SNX24: variants seen among roughly 807,000 people sequenced by gnomAD.
The protein encoded by SNX24 is sorting nexin 24.
SNX24 carries 22 observed loss-of-function variants against 28.7 expected under a neutral mutation model. The ratio of observed to expected loss-of-function variants is 0.77; its 90% CI spans 0.55 to 1.10. SNX24 has a LOEUF of 1.10. Among genes scored for constraint, SNX24 ranks in the 50% least tolerant of loss-of-function variants. The pLI, the probability that SNX24 is intolerant of heterozygous loss-of-function variation, is 0.00. For missense variants in SNX24, 221 were observed against 201.1 expected, an observed-to-expected ratio of 1.10 and a Z score of -0.60; for synonymous variants, 69 against 71.5, an observed-to-expected ratio of 0.96 and a Z score of 0.18.
At chr5:123,002,668 C>T (rs972085323) in intron 6 of SNX24, among the ~76,000 whole-genome samples, 1 of 152,238 alleles carries the variant, frequency 6.6e-6, no homozygotes, top group African/African-American at 2.4e-5. Context: ...TGTGTATATA[C>T]ATTGCAGCAT....
intron 1 of SNX24, among the ~76,000 whole-genome samples, chr5:122,891,901 C>T (rs6888023): frequency 0.36 from 54,390 of 151,908 alleles, 10,412 homozygotes; most frequent in African/African-American, 0.46. Context: ...GTTGAGTGAC[C>T]AAAAGTTTGC....
At chr5:122,886,182 G>A (rs1031175867) in intron 1 of SNX24, among the ~76,000 whole-genome samples, 3 of 152,208 alleles carry the variant, frequency 2.0e-5, no homozygotes, top group Admixed American at 2.0e-4. Context: ...ATGAATTAAG[G>A]TGGAAGACTA....
At chr5:122,888,365 C>G (rs1451257017) in intron 1 of SNX24, among the ~76,000 whole-genome samples, 1 of 152,106 alleles carries the variant, frequency 6.6e-6, no homozygotes, top group Non-Finnish European at 1.5e-5. Flanking sequence ...ACCTGACAGC[C>G]TGAGTTCAAG....
chr5:122,978,986 G>A (rs555980956), intron 3 of SNX24, among the ~76,000 whole-genome samples: 1 of 152,258 alleles, frequency 6.6e-6, no homozygotes, highest in African/African-American at 2.4e-5. Flanking sequence ...TTACTGTTTT[G>A]ATTTAATTCA....
chr5:123,025,980 CAAGG>C, intron 5 of SNX24: 1 of 1,578,214 alleles, frequency 6.3e-7, no homozygotes, highest in South Asian at 1.2e-5. Context: ...TGAGACAAAA[CAAGG>C]AAGAAAGTCA....
rs913858885 is a variant in SNX24 at position 122,874,937 on chromosome 5, G to A, written c.60+29244G>A. Among the ~76,000 whole-genome samples, 12 of 152,336 alleles carry A rather than the reference G, an allele frequency of 7.9e-5. No individual in the cohort carries two copies. In the South Asian group the frequency reaches 8.3e-4, roughly 11 times the overall value. ...AAGCCCTTAACACATAATTGGTTCA[G>A]TAGTAGCTAGTGTTGATATTTGTTT... On this transcript the variant is annotated intron_variant, in intron 1 of 6. Coordinates refer to ENST00000261369, the MANE Select transcript of SNX24 (RefSeq NM_014035.4).
intron 3 of SNX24, among the ~76,000 whole-genome samples, chr5:122,992,835 T>A (rs1761910320): frequency 6.6e-6 from 1 of 152,226 alleles, no homozygotes; most frequent in Admixed American, 6.5e-5. Flanking sequence ...TACTTCTATA[T>A]GATTGGATTC....
chr5:122,988,649 A>G (rs1761703284), intron 3 of SNX24, among the ~76,000 whole-genome samples: 1 of 152,222 alleles, frequency 6.6e-6, no homozygotes, highest in Admixed American at 6.5e-5. Flanking sequence ...AAGTTTAACA[A>G]AACACTCCAT....
At chr5:122,980,143 TACAC>T (rs1761332728) in intron 3 of SNX24, among the ~76,000 whole-genome samples, 1 of 152,216 alleles carries the variant, frequency 6.6e-6, no homozygotes, top group South Asian at 2.1e-4. Flanking sequence ...TATTCAGTAA[TACAC>T]ACATTAGTCA....
At chr5:122,847,695 T>C (rs962502801) in intron 1 of SNX24, among the ~76,000 whole-genome samples, 1 of 152,138 alleles carries the variant, frequency 6.6e-6, no homozygotes, top group Non-Finnish European at 1.5e-5. Context: ...GGTTTCTCCA[T>C]GTTGCCCAGG....
chr5:123,006,150 A>G lies in SNX24; in HGVS notation c.443-1532A>G, dbSNP rs545456539. Among the ~76,000 whole-genome samples the G allele has an allele frequency of 1.7e-3, 258 of 152,326 alleles. 1 individual carries two copies. Among genetic ancestry groups the G allele is most frequent in the African/African-American group, 5.7e-3 (237 of 41,578 alleles). ...GAAACAGAGGCCTCTCAATAAATAT[A>G]TGTTGAGGTAAACTTGTCACCACAT... is the stretch of plus-strand genomic sequence containing the variant. On this transcript the variant is annotated intron_variant, in intron 6 of 6. Transcript: ENST00000261369.
intron 3 of SNX24, among the ~76,000 whole-genome samples, chr5:122,965,713 T>C (rs1158495253): frequency 6.6e-6 from 1 of 152,230 alleles, no homozygotes; most frequent in African/African-American, 2.4e-5. Flanking sequence ...TTGTTTTGTC[T>C]GGACCTTCGG....
intron 3 of SNX24, among the ~76,000 whole-genome samples, chr5:122,996,913 T>G (rs1329126544): frequency 6.6e-6 from 1 of 152,200 alleles, no homozygotes; most frequent in Non-Finnish European, 1.5e-5. Context: ...CAACTGACAT[T>G]TATTCTATAG....
chr5:122,993,321 CAG>C (rs1761932150), intron 3 of SNX24, among the ~76,000 whole-genome samples: 1 of 123,376 alleles, frequency 8.1e-6, no homozygotes, highest in Admixed American at 9.3e-5. Context: ...TTTTTTGAGA[CAG>C]AGTCTTGCTC....
chr5:122,899,183 A>G (rs1286801508), intron 1 of SNX24, among the ~76,000 whole-genome samples: 2 of 152,036 alleles, frequency 1.3e-5, no homozygotes, highest in Non-Finnish European at 2.9e-5. Context: ...TTCAACATAC[A>G]CCTGGCTGCG....
At chr5:122,914,817 A>G (rs1197931671) in intron 1 of SNX24, among the ~76,000 whole-genome samples, 1 of 152,114 alleles carries the variant, frequency 6.6e-6, no homozygotes, top group Non-Finnish European at 1.5e-5. Flanking sequence ...CTAGCGGTCT[A>G]TCAATTTTGT....
At chr5:122,921,167 T>G (rs1675921473) in intron 1 of SNX24, among the ~76,000 whole-genome samples, 1 of 152,154 alleles carries the variant, frequency 6.6e-6, no homozygotes, top group Non-Finnish European at 1.5e-5. Flanking sequence ...TTTTTTAACT[T>G]TAACAAAAGC....
At chr5:123,024,646 T>G (rs1337224195) in intron 5 of SNX24, among the ~76,000 whole-genome samples, 1 of 152,086 alleles carries the variant, frequency 6.6e-6, no homozygotes, top group Non-Finnish European at 1.5e-5. Context: ...AGAAAGTAGG[T>G]TTTTGGTGGG....
At chr5:123,007,146 G>A (rs1410357441) in intron 6 of SNX24, among the ~76,000 whole-genome samples, 2 of 152,132 alleles carry the variant, frequency 1.3e-5, no homozygotes, top group Non-Finnish European at 2.9e-5. Flanking sequence ...TTGGCAGGAT[G>A]GCTTCTGTTG....
Sources: allele counts gnomAD v4.1 joint callset (sites outside exome capture counted in the v4.1 genomes callset), GRCh38; gene constraint gnomAD v4.1.1; transcripts MANE v1.5; gene names NCBI Gene and HGNC (gene_info 2026-07-23, HGNC 2026-07-21).